The following SHROOM3 variants were observed in gnomAD, a reference collection of about 807,000 sequenced individuals.
SHROOM3 encodes shroom family member 3, also known as protein Shroom3.
Under a neutral mutation model 138.6 loss-of-function variants are expected in SHROOM3, and 47 were observed. The observed-to-expected ratio is 0.34, with a 90% CI of 0.27 to 0.43. The LOEUF (loss-of-function observed/expected upper bound fraction) is 0.43. Ranked by LOEUF, SHROOM3 falls within the 20% of genes least tolerant of loss-of-function variation. SHROOM3 has a pLI of 1.00. For missense variants in SHROOM3, 2,491 were observed against 2,596.5 expected (o/e 0.96, Z 0.88); for synonymous variants, 1,062 against 1,063.3 (o/e 1.00, Z 0.02).
intron 1 of SHROOM3, among the ~76,000 whole-genome samples, chr4:76,450,641 A>AT (rs1560510057): frequency 6.6e-6 from 1 of 152,240 alleles, no homozygotes; most frequent in African/African-American, 2.4e-5. Flanking sequence ...TTAACTCCAC[A>AT]TATATGAGAT....
rs1720113898 is a variant in SHROOM3 at position 76,708,013 on chromosome 4, G to T, written c.324-2143G>T. 4.6e-5 allele frequency among the ~76,000 whole-genome samples: 7 copies of T among 152,164 alleles called. No homozygotes were observed. In the South Asian group the frequency reaches 1.2e-3, roughly 27 times the overall value. On this transcript the variant is annotated intron_variant, in intron 2 of 10. Transcript: ENST00000296043. ...GGCAGGAGGGTGAAGATTAGGAGGG[G>T]CAAAGGTTAGCCTGGAGGTTGCAAT...
At chr4:76,461,607 G>T (rs1731144235) in intron 1 of SHROOM3, among the ~76,000 whole-genome samples, 1 of 152,200 alleles carries the variant, frequency 6.6e-6, no homozygotes, top group South Asian at 2.1e-4. Context: ...GGCATGTCAA[G>T]ATGATCAAGA....
At position 76,487,598 on chromosome 4, in the gene SHROOM3, G is replaced by A. The variant is rs555701708; in HGVS notation, c.168+51378G>A. ...ATTCTGGGTCCTGTATCAAACCTCC[G>A]CCTTACAATCCCCATCCATGTTGTG... On this transcript the variant is annotated intron_variant, in intron 1 of 10. Transcript: ENST00000296043. Among the ~76,000 whole-genome samples the A allele has an allele frequency of 1.2e-3, 177 of 150,134 alleles. 2 individuals carry two copies. The highest frequency in any genetic ancestry group is 3.2e-4 in the Non-Finnish European group (22 of 68,004).
chr4:76,499,609 A>G (rs1732047943), intron 1 of SHROOM3, among the ~76,000 whole-genome samples: 1 of 152,220 alleles, frequency 6.6e-6, no homozygotes, highest in African/African-American at 2.4e-5. Context: ...TCTGCTTTTA[A>G]GGAAATGAGA....
At chr4:76,633,596 G>T (rs886300123) in intron 2 of SHROOM3, among the ~76,000 whole-genome samples, 4 of 147,460 alleles carry the variant, frequency 2.7e-5, no homozygotes, top group African/African-American at 1.0e-4. Flanking sequence ...GGCGGAGCTT[G>T]CAGTGAGCCG....
At chr4:76,568,329 AT>A (rs1164963551) in intron 2 of SHROOM3, among the ~76,000 whole-genome samples, 1 of 152,214 alleles carries the variant, frequency 6.6e-6, no homozygotes, top group Non-Finnish European at 1.5e-5. Context: ...CACGGGTATA[AT>A]AAATTGCTGT....
intron 1 of SHROOM3, among the ~76,000 whole-genome samples, chr4:76,552,047 G>T (rs370444727): frequency 0.49 from 70,020 of 142,600 alleles, 17,855 homozygotes; most frequent in African/African-American, 0.6. Context: ...ATCTTTAGTA[G>T]AGACGGGGTT....
chr4:76,689,715 G>C (rs917520464), intron 2 of SHROOM3: 65 of 985,554 alleles, frequency 6.6e-5, no homozygotes, highest in Non-Finnish European at 7.2e-5. Context: ...GAGTGAGGAG[G>C]GCGGCTGGGC....
chr4:76,676,507 TAGAAG>T (rs1294704843), intron 2 of SHROOM3, among the ~76,000 whole-genome samples: 1 of 152,142 alleles, frequency 6.6e-6, no homozygotes, highest in African/African-American at 2.4e-5. Context: ...TTTGAACACT[TAGAAG>T]AGAGAGAAGT....
chr4:76,530,255 A>G (rs560042686), intron 1 of SHROOM3, among the ~76,000 whole-genome samples: 3 of 152,350 alleles, frequency 2.0e-5, no homozygotes, highest in Admixed American at 6.5e-5. Context: ...AGAGATTAAC[A>G]ACATGTTGGA....
rs866686446 is a variant in SHROOM3, at chr4:76,741,309, G to A, written c.3136G>A (p.Gly1046Arg). ...GGCACCCCTGGGCCCGCAGAGAAATGGGATGCGTTTCCCGGAGAGCAGCGT... is the reference window on the plus strand; with the variant it reads ...GGCACCCCTGGGCCCGCAGAGAAATAGGATGCGTTTCCCGGAGAGCAGCGT... ...EPAPLGPQRNGMRFPESSVAD... is the reference protein window; with the variant it reads ...EPAPLGPQRNRMRFPESSVAD... Residue 1046 changes from glycine (G) to arginine (R), a missense_variant, in exon 5 of 11, where the codon GGG (glycine) becomes AGG (arginine). Physicochemically the swap from Gly to Arg is moderately radical, Grantham distance 125 (BLOSUM62 -2). Transcript: ENST00000296043. This position sits in a 1 kb window ranked among gnomAD's most constrained non-coding sequence, Gnocchi z 6.2. 31 of 1,611,906 alleles carry A rather than the reference G, an allele frequency of 1.9e-5. No homozygotes were observed. The highest frequency in any genetic ancestry group is 2.5e-5 in the Non-Finnish European group (30 of 1,179,664).
chr4:76,626,901 C>G (rs1158472536), intron 2 of SHROOM3, among the ~76,000 whole-genome samples: 1 of 152,168 alleles, frequency 6.6e-6, no homozygotes, highest in Non-Finnish European at 1.5e-5. Context: ...TTTGTGTATA[C>G]CATGATGACA....
In SHROOM3 at chr4:76,741,336, G is replaced by A. The variant is rs762760818; in HGVS notation, c.3163G>A (p.Ala1055Thr). The change falls in exon 5 of 11, where the codon GCC (alanine) becomes ACC (threonine). Residue 1055 changes from alanine to threonine, a missense_variant. This residue lies in a region of SHROOM3 where 1,733 missense variants were observed against 1,661.6 expected (regional missense o/e 1.04). Coordinates refer to ENST00000296043, the MANE Select transcript of SHROOM3 (RefSeq NM_020859.4). The surrounding 1 kb of genome is among the most constrained non-coding windows in gnomAD (Gnocchi z 6.2). ...GATGCGTTTCCCGGAGAGCAGCGTG[G>A]CCGACCGGCGCCGTCTCTTCGAGCG... ...NGMRFPESSV[A>T]DRRRLFERDG... 6.5e-5 allele frequency: 104 copies of A among 1,610,452 alleles called. No homozygotes were observed. In the Admixed American group the frequency reaches 9.2e-4, roughly 14 times the overall value.
rs114539642 is a variant in SHROOM3 at position 76,514,401 on chromosome 4, A to G, written c.169-41208A>G. ...AAAGAAGGCAGACACCAAAGGCCAC[A>G]TATTGCATGATTCCACTCATATGAA... On this transcript the variant is annotated intron_variant, in intron 1 of 10. Coordinates refer to ENST00000296043, the MANE Select transcript of SHROOM3 (RefSeq NM_020859.4). Among the ~76,000 whole-genome samples, 239 of 152,180 alleles carry G rather than the reference A, an allele frequency of 1.6e-3. 1 individual carries two copies. The highest frequency in any genetic ancestry group is 5.5e-3 in the African/African-American group (227 of 41,554).
intron 1 of SHROOM3, among the ~76,000 whole-genome samples, chr4:76,547,374 A>G (rs1366449199): frequency 1.3e-5 from 2 of 152,124 alleles, no homozygotes; most frequent in Non-Finnish European, 2.9e-5. Flanking sequence ...ATTTCTATAA[A>G]AATACAATTA....
chr4:76,741,495 G>A lies in SHROOM3; in HGVS notation c.3322G>A (p.Glu1108Lys), dbSNP rs1463245756. ...PTSAAGCSLQ[E>K]PGPLRERAQS... ...CTCCGCCGCCGGCTGCAGCCTCCAG[G>A]AGCCCGGGCCACTGCGTGAGCGCGC... Residue 1108 changes from glutamate to lysine, a missense_variant, in exon 5 of 11, where the codon GAG becomes AAG. Glu to Lys is a moderately conservative substitution (Grantham distance 56). Transcript: ENST00000296043. The surrounding 1 kb of genome is among the most constrained non-coding windows in gnomAD (Gnocchi z 6.2). The A allele has an allele frequency of 9.6e-6, 15 of 1,556,226 alleles. No homozygotes were observed. Among genetic ancestry groups the A allele is most frequent in the African/African-American group, 1.4e-5 (1 of 73,654 alleles).
intron 2 of SHROOM3, among the ~76,000 whole-genome samples, chr4:76,593,920 C>A (rs115240606): frequency 7.2e-5 from 11 of 152,156 alleles, no homozygotes; most frequent in Non-Finnish European, 1.5e-4. Flanking sequence ...ATTGTCACAT[C>A]GCTACTGCTG....
At chr4:76,735,868 A>AAAATATATATATATATATATATATAT (rs1553944040) in intron 4 of SHROOM3, among the ~76,000 whole-genome samples, 1 of 18,814 alleles carries the variant, frequency 5.3e-5, no homozygotes. Flanking sequence ...AAAAAAAAAA[A>AAAATATATATATATATATATATATAT]ATATATATAT....
intron 3 of SHROOM3, among the ~76,000 whole-genome samples, chr4:76,724,282 G>C (rs1720635723): frequency 6.6e-6 from 1 of 152,180 alleles, no homozygotes; most frequent in African/African-American, 2.4e-5. Flanking sequence ...ATATGCTCAT[G>C]ATGTGATGTA....
Sources: allele counts gnomAD v4.1 joint callset (sites outside exome capture counted in the v4.1 genomes callset), GRCh38; gene constraint gnomAD v4.1.1; regional missense constraint gnomAD v4.1.1; non-coding constraint Gnocchi (gnomAD v3.1); transcripts MANE v1.5; gene names NCBI Gene and HGNC (gene_info 2026-07-23, HGNC 2026-07-21).